PDE4D: variants seen among roughly 807,000 people sequenced by gnomAD.
The protein encoded by PDE4D is 3',5'-cyclic-AMP phosphodiesterase 4D.
PDE4D carries 24 observed loss-of-function variants against 87.4 expected under a neutral mutation model. That is an observed-to-expected ratio of 0.27 (90% CI 0.20 to 0.39). The LOEUF is 0.39. Among genes scored for constraint, PDE4D ranks in the 10% least tolerant of loss-of-function variants. The pLI is 1.00. For missense variants in PDE4D, 714 were observed against 1,041.0 expected (o/e 0.69, Z 4.32); for synonymous variants, 384 against 383.2 (o/e 1.00, Z -0.02).
chr5:59,925,019 C>G (rs1755085757), intron 3 of PDE4D, among the ~76,000 whole-genome samples: 1 of 151,326 alleles, frequency 6.6e-6, no homozygotes, highest in Non-Finnish European at 1.5e-5. Flanking sequence ...ACTAAAAATA[C>G]AAAAAATTAG....
At chr5:59,185,602 A>C (rs1274694725) in intron 3 of PDE4D, among the ~76,000 whole-genome samples, 3 of 152,210 alleles carry the variant, frequency 2.0e-5, no homozygotes, top group Non-Finnish European at 4.4e-5. Context: ...AGTATAATAT[A>C]AAATGCTAAT....
At chr5:59,092,056 G>C (rs147407349) in intron 5 of PDE4D, among the ~76,000 whole-genome samples, 181 of 152,234 alleles carry the variant, frequency 1.2e-3, no homozygotes, top group Admixed American at 3.3e-3. Flanking sequence ...AACTGAAATT[G>C]ACAGCAAAGA....
chr5:60,143,646 T>TGTGC (rs1780746292), intron 2 of PDE4D, among the ~76,000 whole-genome samples: 1 of 125,940 alleles, frequency 7.9e-6, no homozygotes, highest in Non-Finnish European at 1.7e-5. Flanking sequence ...TGTGTGTGTG[T>TGTGC]GTGTATGTGT....
intron 1 of PDE4D, among the ~76,000 whole-genome samples, chr5:59,742,207 G>A (rs969429728): frequency 3.9e-5 from 6 of 152,056 alleles, no homozygotes; most frequent in African/African-American, 1.4e-4. Flanking sequence ...GGGATTACAG[G>A]CATGCACTAC....
intron 1 of PDE4D, among the ~76,000 whole-genome samples, chr5:59,840,619 A>G (rs1009663721): frequency 1.3e-5 from 2 of 151,980 alleles, no homozygotes; most frequent in African/African-American, 4.8e-5. Flanking sequence ...AAAAAGGGAG[A>G]TTTAGAGAAG....
rs79435786 is a variant in PDE4D at position 59,470,668 on chromosome 5, A to G, written c.456-254700T>C. Reference sequence around the variant, plus strand: ...ATAATGTAAATTGAGAAATTGATTTACTTTGTTTTTCAGGAAATATTTTAA... The same window carrying G: ...ATAATGTAAATTGAGAAATTGATTTGCTTTGTTTTTCAGGAAATATTTTAA... On this transcript the variant is annotated intron_variant, in intron 1 of 14. Transcript: ENST00000340635. Among the ~76,000 whole-genome samples the G allele has an allele frequency of 6.0e-3, 911 of 152,200 alleles. 50 individuals carry two copies. The East Asian group carries it at 0.14, about 23-fold the overall frequency.
At chr5:60,241,335 G>A (rs1308959568) in intron 1 of PDE4D, among the ~76,000 whole-genome samples, 2 of 137,586 alleles carry the variant, frequency 1.5e-5, no homozygotes, top group Non-Finnish European at 3.0e-5. Flanking sequence ...GGGTAGTGGT[G>A]TGATCTCAGC....
At chr5:59,193,418 T>G in intron 3 of PDE4D, 82 bp downstream of exon 3, 1 of 1,242,114 alleles carries the variant, frequency 8.1e-7, no homozygotes, top group Non-Finnish European at 1.2e-6. Context: ...TAAAATTAAA[T>G]TAAATTAATA....
intron 1 of PDE4D, among the ~76,000 whole-genome samples, chr5:59,672,543 A>G (rs1747388991): frequency 6.6e-6 from 1 of 152,200 alleles, no homozygotes; most frequent in Admixed American, 6.5e-5. Flanking sequence ...TTAAAATACC[A>G]ACACTCAATT....
intron 1 of PDE4D, among the ~76,000 whole-genome samples, chr5:60,435,514 T>C (rs893693024): frequency 2.0e-5 from 3 of 152,098 alleles, no homozygotes; most frequent in Non-Finnish European, 4.4e-5. Flanking sequence ...GTTATGAAGA[T>C]GATTGTCTCT....
chr5:58,976,292 G>GACATGTGC, intron 13 of PDE4D, 58 bp downstream of exon 13: 6 of 1,541,612 alleles, frequency 3.9e-6, no homozygotes, highest in South Asian at 1.3e-5. Context: ...TGAACACGCA[G>GACATGTGC]ACATGTGCAC....
At chr5:59,248,659 C>T (rs2153527926) in intron 1 of PDE4D, among the ~76,000 whole-genome samples, 1 of 150,968 alleles carries the variant, frequency 6.6e-6, no homozygotes, top group Non-Finnish European at 1.5e-5. Context: ...TGGGTTGCAC[C>T]AGAGTTCTTT....
At chr5:60,389,463 T>C (rs911883363) in intron 1 of PDE4D, among the ~76,000 whole-genome samples, 1 of 152,210 alleles carries the variant, frequency 6.6e-6, no homozygotes, top group African/African-American at 2.4e-5. Flanking sequence ...TATTTCTCTT[T>C]CCTAGTCACC....
At chr5:60,245,024 A>G (rs1562253579) in intron 1 of PDE4D, among the ~76,000 whole-genome samples, 1 of 152,074 alleles carries the variant, frequency 6.6e-6, no homozygotes, top group Non-Finnish European at 1.5e-5. Context: ...AGAATGGGAG[A>G]AAATATTTGC....
intron 5 of PDE4D, among the ~76,000 whole-genome samples, chr5:59,130,285 T>C (rs1436207035): frequency 6.6e-6 from 1 of 152,216 alleles, no homozygotes; most frequent in Non-Finnish European, 1.5e-5. Flanking sequence ...CAATATTTCC[T>C]AGGTGATAAC....
rs1383965230 is a variant in PDE4D at position 59,930,087 on chromosome 5, G to A, written c.272+58401C>T. Among the ~76,000 whole-genome samples the A allele has an allele frequency of 2.7e-5, 4 of 149,680 alleles. No homozygotes were observed. In the East Asian group the frequency reaches 8.1e-4, roughly 30 times the overall value. On this transcript the variant is annotated intron_variant, in intron 3 of 16. Transcript: ENST00000502484. ...TGAGGCAGGAGAATGGCGTGAACCC[G>A]GGAGGCGGAGCTTGCAGTGAGCCGA...
chr5:60,488,703 G>C (rs1749346084), upstream of PDE4D, among the ~76,000 whole-genome samples: 1 of 152,078 alleles, frequency 6.6e-6, no homozygotes, highest in South Asian at 2.1e-4. Context: ...CCCACCCACA[G>C]AAAGAAGAGT....
intron 1 of PDE4D, among the ~76,000 whole-genome samples, chr5:59,600,234 G>A (rs779761977): frequency 3.9e-5 from 6 of 152,154 alleles, no homozygotes; most frequent in Admixed American, 1.3e-4. Context: ...ACTGCAGCCC[G>A]CTTTAAGAGA....
intron 1 of PDE4D, among the ~76,000 whole-genome samples, chr5:59,698,037 C>T (rs1752037369): frequency 6.6e-6 from 1 of 151,948 alleles, no homozygotes; most frequent in African/African-American, 2.4e-5. Context: ...AGATTCAGAC[C>T]CATAAAATAA....
Sources: allele counts gnomAD v4.1 joint callset (sites outside exome capture counted in the v4.1 genomes callset), GRCh38; gene constraint gnomAD v4.1.1; transcripts MANE v1.5; gene names NCBI Gene and HGNC (gene_info 2026-07-23, HGNC 2026-07-21).